Variants in TRAPPC9 observed in about 807,000 individuals in gnomAD.
TRAPPC9 encodes the protein IKK2 binding protein.
In TRAPPC9, 83 loss-of-function variants were observed where a neutral mutation model predicts 124.0. The ratio of observed to expected loss-of-function variants is 0.67; its 90% CI spans 0.56 to 0.80. The LOEUF is 0.80. TRAPPC9 is among the 30% of genes least tolerant of loss of function. The pLI is 0.00. For missense variants in TRAPPC9, 1,302 were observed against 1,508.3 expected, an observed-to-expected ratio of 0.86 and a Z score of 2.27; for synonymous variants, 638 against 617.5, an observed-to-expected ratio of 1.03 and a Z score of -0.49.
At chr8:140,413,596 G>T (rs2069786993) in intron 5 of TRAPPC9, among the ~76,000 whole-genome samples, 2 of 149,596 alleles carry the variant, frequency 1.3e-5, no homozygotes, top group Admixed American at 1.3e-4. Context: ...TGCCATGCTG[G>T]TGTACTGCAC....
chr8:140,011,700 C>T (rs1298587822), intron 18 of TRAPPC9, among the ~76,000 whole-genome samples: 9 of 87,768 alleles, frequency 1.0e-4, no homozygotes, highest in East Asian at 6.9e-4. Flanking sequence ...TTTTTTTTGA[C>T]GGAGTCTTGC....
intron 17 of TRAPPC9, among the ~76,000 whole-genome samples, chr8:140,185,920 G>T (rs1308482126): frequency 6.6e-6 from 1 of 152,154 alleles, no homozygotes. Context: ...GGCCCTCAAG[G>T]CCTGCCCCAG....
chr8:140,221,657 G>C lies in TRAPPC9; in HGVS notation c.2432-74C>G, dbSNP rs1469620434. 2.6e-6 allele frequency: 4 copies of C among 1,538,170 alleles called. No individual in the cohort carries two copies. The African/African-American group carries it at 5.5e-5, about 21-fold the overall frequency. On this transcript the variant is annotated intron_variant, in intron 16 of 22. Transcript: ENST00000438773. ...GGGTTTGTTGTTGTTGTTGTTGTTT[G>C]GGACGGGTCTCGCTCTGTCGCACAA...
chr8:140,405,597 C>T lies in TRAPPC9; in HGVS notation c.988G>A (p.Ala330Thr), dbSNP rs199981608. 83 of 1,613,934 alleles carry T rather than the reference C, an allele frequency of 5.1e-5. No individual in the cohort carries two copies. Among genetic ancestry groups the T allele is most frequent in the South Asian group, 1.1e-5 (1 of 91,078 alleles). ...PEDIIDKYKEAISYYSKYKNA... is the reference protein window; with the variant it reads ...PEDIIDKYKETISYYSKYKNA... The stretch of plus-strand genomic sequence containing the variant: ...ATCACCTTGCTGTAATAGGAAATCG[C>T]CTCTTTATACTTGTCAATTATGTCT... The change falls in exon 6 of 23, where the codon GCG (alanine) becomes ACG (threonine). Residue 330 changes from alanine (A) to threonine (T), a missense_variant. Ala to Thr is a moderately conservative substitution (Grantham distance 58). This residue lies in a region of TRAPPC9 where 657 missense variants were observed against 811.2 expected (regional missense o/e 0.81). Transcript: ENST00000438773.
chr8:140,205,886 A>C (rs2062905862), intron 17 of TRAPPC9, among the ~76,000 whole-genome samples: 1 of 152,182 alleles, frequency 6.6e-6, no homozygotes, highest in Non-Finnish European at 1.5e-5. Flanking sequence ...GACATTACCT[A>C]GGAGAAGTCT....
intron 8 of TRAPPC9, among the ~76,000 whole-genome samples, chr8:140,361,189 C>A (rs1035482601): frequency 6.6e-6 from 1 of 152,224 alleles, no homozygotes; most frequent in African/African-American, 2.4e-5. Flanking sequence ...ACTGAAAGTC[C>A]GTAATAGCTC....
intron 17 of TRAPPC9, among the ~76,000 whole-genome samples, chr8:140,089,604 T>C (rs13252973): frequency 6.6e-6 from 1 of 152,304 alleles, no homozygotes; most frequent in South Asian, 2.1e-4. Context: ...CAGAGGGCCA[T>C]GGAGCTGCCT....
intron 20 of TRAPPC9, among the ~76,000 whole-genome samples, chr8:139,890,701 T>C (rs1334051803): frequency 6.6e-6 from 1 of 152,202 alleles, no homozygotes; most frequent in Non-Finnish European, 1.5e-5. Context: ...AGCACCTAGT[T>C]CAGGCGATTC....
chr8:139,877,433 G>A, intron 21 of TRAPPC9, among the ~76,000 whole-genome samples: 1 of 152,204 alleles, frequency 6.6e-6, no homozygotes, highest in Non-Finnish European at 1.5e-5. Context: ...GATGGGAGCA[G>A]CACACCCTTT....
intron 6 of TRAPPC9, among the ~76,000 whole-genome samples, chr8:140,401,032 C>A (rs1290604760): frequency 6.6e-6 from 1 of 151,920 alleles, no homozygotes; most frequent in African/African-American, 2.4e-5. Context: ...TATACTAGTA[C>A]CTGAAGAGAA....
rs116369178 is a variant in TRAPPC9, at chr8:139,911,206, A to G, written c.2811-906T>C. ...AAGTCACACAAGATCTGATGGTTTC[A>G]TAAGGGGGAGTTTCCTGCTGTCATC... On this transcript the variant is annotated intron_variant, in intron 19 of 22. Coordinates refer to ENST00000438773, the MANE Select transcript of TRAPPC9 (RefSeq NM_001160372.4). 9.3e-4 allele frequency: 142 copies of G among 152,284 alleles called. 1 individual carries two copies. The highest frequency in any genetic ancestry group is 3.2e-3 in the African/African-American group (133 of 41,554). The allele number at this position is 152,284 out of a possible 1,614,324, so 9.4% of individuals were successfully genotyped here.
At chr8:140,151,921 C>T (rs79986214) in intron 17 of TRAPPC9, among the ~76,000 whole-genome samples, 10,424 of 152,152 alleles carry the variant, frequency 0.069, 389 homozygotes, top group African/African-American at 0.088. Context: ...ACCTCAGCCT[C>T]GACACACCCC....
At chr8:140,226,440 A>T (rs2063453714) in intron 16 of TRAPPC9, among the ~76,000 whole-genome samples, 1 of 151,888 alleles carries the variant, frequency 6.6e-6, no homozygotes. Context: ...AAAAATACAA[A>T]AAACAGCTGG....
intron 7 of TRAPPC9, among the ~76,000 whole-genome samples, chr8:140,388,225 G>A (rs982965897): frequency 1.4e-5 from 2 of 144,334 alleles, no homozygotes; most frequent in African/African-American, 2.7e-5. Context: ...GCCTGTTGTG[G>A]GGTGGGGAGG....
chr8:140,194,004 A>G (rs1294953024), intron 17 of TRAPPC9, among the ~76,000 whole-genome samples: 1 of 152,224 alleles, frequency 6.6e-6, no homozygotes, highest in Non-Finnish European at 1.5e-5. Flanking sequence ...TCCCAGCTCC[A>G]GTGCTTCCTT....
At chr8:140,399,127 G>A (rs569022484) in intron 6 of TRAPPC9, among the ~76,000 whole-genome samples, 8 of 152,338 alleles carry the variant, frequency 5.3e-5, no homozygotes, top group East Asian at 1.9e-4. Context: ...GGAAGTTTCC[G>A]CCTAGATTTC....
intron 17 of TRAPPC9, among the ~76,000 whole-genome samples, chr8:140,147,835 G>A (rs762942644): frequency 5.9e-5 from 9 of 152,242 alleles, no homozygotes; most frequent in African/African-American, 2.2e-4. Flanking sequence ...AAAGCAACAC[G>A]GCGGCGGCTC....
intron 21 of TRAPPC9, among the ~76,000 whole-genome samples, chr8:139,770,256 C>T (rs558018306): frequency 6.6e-6 from 1 of 152,374 alleles, no homozygotes; most frequent in East Asian, 1.9e-4. Context: ...AGAGGTTCTG[C>T]TGCCACCTCC....
intron 21 of TRAPPC9, among the ~76,000 whole-genome samples, chr8:139,756,879 G>T (rs1308075181): frequency 8.4e-5 from 10 of 119,556 alleles, no homozygotes; most frequent in East Asian, 2.7e-4. Context: ...GAGGACAGCA[G>T]GTCGCAGGAG....
Sources: allele counts gnomAD v4.1 joint callset (sites outside exome capture counted in the v4.1 genomes callset), GRCh38; gene constraint gnomAD v4.1.1; regional missense constraint gnomAD v4.1.1; transcripts MANE v1.5; gene names NCBI Gene and HGNC (gene_info 2026-07-23, HGNC 2026-07-21).